BST1: variants seen among roughly 807,000 people sequenced by gnomAD.
BST1 encodes the protein bone marrow stromal cell antigen 1, also known as ADP-ribosyl cyclase/cyclic ADP-ribose hydrolase 2.
A neutral mutation model predicts 40.6 loss-of-function variants in BST1; 49 were observed. The observed-to-expected ratio is 1.21, with a 90% CI of 0.96 to 1.53. The LOEUF is 1.53. Among genes scored for constraint, BST1 ranks in the 40% most tolerant of loss-of-function variants. The pLI is 0.00. For synonymous variants in BST1, 157 were observed against 159.3 expected (o/e 0.99, Z 0.11); for missense variants, 423 against 395.9 (o/e 1.07, Z -0.58).
chr4:15,768,858 A>G, the BST1 span, among the ~76,000 whole-genome samples: 1 of 152,138 alleles, frequency 6.6e-6, no homozygotes, highest in African/African-American at 2.4e-5. Flanking sequence ...AGCCCTCCTG[A>G]CAGCTGCCAC....
At chr4:15,756,200 G>A in the BST1 span, among the ~76,000 whole-genome samples, 1 of 152,166 alleles carries the variant, frequency 6.6e-6, no homozygotes, top group Non-Finnish European at 1.5e-5. Context: ...AAAGACTGCA[G>A]GGTGGGTTGG....
chr4:15,715,570 G>A (rs1295367550), intron 5 of BST1, 137 bp from the exon 6 acceptor site: 2 of 809,710 alleles, frequency 2.5e-6, no homozygotes, highest in African/African-American at 1.8e-5. Flanking sequence ...GGAATAAAAA[G>A]TAACCTAAAA....
chr4:15,703,647 C>T (rs74346571), intron 1 of BST1, among the ~76,000 whole-genome samples: 37,394 of 111,426 alleles, frequency 0.34, 6,358 homozygotes, highest in East Asian at 0.46. Context: ...TGTGTGTGCG[C>T]GCGCTCTAGA....
intron 4 of BST1, among the ~76,000 whole-genome samples, chr4:15,712,979 T>G (rs1720299514): frequency 6.6e-6 from 1 of 152,182 alleles, no homozygotes; most frequent in African/African-American, 2.4e-5. Context: ...TTTTACCCAG[T>G]GGATCTGCCA....
At chr4:15,725,280 TG>T (rs1721038740) in intron 8 of BST1, among the ~76,000 whole-genome samples, 2 of 152,226 alleles carry the variant, frequency 1.3e-5, no homozygotes, top group Admixed American at 1.3e-4. Context: ...AAATTCACTC[TG>T]GCAGATGTCT....
chr4:15,735,974 G>A (rs2148899296), downstream of BST1: 3 of 839,762 alleles, frequency 3.6e-6, no homozygotes, highest in South Asian at 3.1e-5. Flanking sequence ...TAGGAAGAAG[G>A]CAAATCTCAT....
At chr4:15,707,765 A>T in intron 3 of BST1, 119 bp downstream of exon 3, 1 of 1,255,406 alleles carries the variant, frequency 8.0e-7, no homozygotes, top group Non-Finnish European at 1.1e-6. Flanking sequence ...GTCCTCTGAG[A>T]TAAGTGGCAA....
the BST1 span, among the ~76,000 whole-genome samples, chr4:15,746,482 A>G: frequency 6.6e-6 from 1 of 152,266 alleles, no homozygotes; most frequent in Non-Finnish European, 1.5e-5. Context: ...CAGAAGGCAT[A>G]GCAAAGTGAA....
the BST1 span, among the ~76,000 whole-genome samples, chr4:15,745,634 A>G: frequency 2.0e-5 from 3 of 152,230 alleles, no homozygotes; most frequent in Admixed American, 1.3e-4. Flanking sequence ...GATCAGAACC[A>G]TATTCCTAAA....
At chr4:15,706,795 T>A (rs1411506740) in intron 2 of BST1, among the ~76,000 whole-genome samples, 1 of 152,188 alleles carries the variant, frequency 6.6e-6, no homozygotes, top group Non-Finnish European at 1.5e-5. Flanking sequence ...TTTCATAGAT[T>A]CGGTGCTAGT....
chr4:15,766,972 C>T, the BST1 span, among the ~76,000 whole-genome samples: 1 of 151,748 alleles, frequency 6.6e-6, no homozygotes, highest in Non-Finnish European at 1.5e-5. Flanking sequence ...ACTGCCGTTG[C>T]CAGCATGCCC....
intron 7 of BST1, among the ~76,000 whole-genome samples, chr4:15,719,471 A>G (rs1457817242): frequency 6.6e-6 from 1 of 152,106 alleles, no homozygotes; most frequent in Non-Finnish European, 1.5e-5. Flanking sequence ...ATATATTTAT[A>G]ATCAGGTATC....
chr4:15,712,585 A>C (rs1465592057), intron 4 of BST1, among the ~76,000 whole-genome samples: 1 of 152,142 alleles, frequency 6.6e-6, no homozygotes. Flanking sequence ...CACCACCGCC[A>C]ACCCCCTTTC....
At chr4:15,769,374 C>T in the BST1 span, among the ~76,000 whole-genome samples, 7 of 152,346 alleles carry the variant, frequency 4.6e-5, no homozygotes, top group African/African-American at 1.2e-4. Context: ...AGGCAGGCAA[C>T]GGCCCTGTTG....
chr4:15,709,467 G>A (rs956713011), intron 3 of BST1, among the ~76,000 whole-genome samples: 1 of 152,198 alleles, frequency 6.6e-6, no homozygotes, highest in Non-Finnish European at 1.5e-5. Context: ...CAGGTTCCAC[G>A]TCAAATGGAC....
At chr4:15,705,912 A>G (rs1482064338) in intron 2 of BST1, among the ~76,000 whole-genome samples, 1 of 152,248 alleles carries the variant, frequency 6.6e-6, no homozygotes, top group Non-Finnish European at 1.5e-5. Context: ...CAGGCTGTAC[A>G]GGAAGAATGG....
the BST1 span, among the ~76,000 whole-genome samples, chr4:15,772,007 G>GTCTCTC: frequency 7.7e-3 from 1,141 of 148,816 alleles, 12 homozygotes; most frequent in Non-Finnish European, 9.1e-3. Context: ...AACAATGAAG[G>GTCTCTC]TCTCTCTCTC....
chr4:15,745,416 C>A, the BST1 span, among the ~76,000 whole-genome samples: 2 of 152,100 alleles, frequency 1.3e-5, no homozygotes, highest in African/African-American at 4.8e-5. Flanking sequence ...CTTAGCTGTA[C>A]TTTTTTTCTG....
intron 3 of BST1, among the ~76,000 whole-genome samples, chr4:15,711,268 T>A (rs558443066): frequency 5.2e-4 from 79 of 152,348 alleles, no homozygotes; most frequent in African/African-American, 1.9e-3. Context: ...TGCTAGGGTC[T>A]TTAGTCTGTC....
Sources: gnomAD v4.1 joint callset for allele counts (sites outside exome capture counted in the v4.1 genomes callset) on GRCh38, gnomAD v4.1.1 for gene constraint, MANE v1.5 for transcripts, NCBI Gene and HGNC (gene_info 2026-07-23, HGNC 2026-07-21) for gene names.